Variants in DCAKD observed in about 807,000 individuals in gnomAD.
DCAKD encodes the protein dephospho-CoA kinase domain-containing protein.
In DCAKD, 15 loss-of-function variants were observed where a neutral mutation model predicts 18.7. The observed-to-expected ratio is 0.80, with a 90% CI of 0.54 to 1.24. The LOEUF is 1.24. Ranked by LOEUF, DCAKD falls within the 50% of genes most tolerant of loss-of-function variation. DCAKD has a pLI of 0.00. For missense variants in DCAKD, 301 were observed against 322.0 expected (o/e 0.93, Z 0.50); for synonymous variants, 130 against 133.0 (o/e 0.98, Z 0.16).
chr17:45,033,131 AG>A (rs2053207754), intron 3 of DCAKD, among the ~76,000 whole-genome samples: 1 of 152,328 alleles, frequency 6.6e-6, no homozygotes. Context: ...GGATTGCTTG[AG>A]GCCAGGAGTT....
intron 1 of DCAKD, among the ~76,000 whole-genome samples, chr17:45,044,585 A>G (rs548538235): frequency 3.9e-5 from 6 of 152,190 alleles, no homozygotes; most frequent in Admixed American, 3.9e-4. Context: ...CCAGCTACTC[A>G]GGAGGCTGAG....
chr17:45,034,164 C>G (rs1285367281), intron 3 of DCAKD, 23 bp downstream of exon 3: 1 of 1,565,856 alleles, frequency 6.4e-7, no homozygotes, highest in Non-Finnish European at 8.8e-7. Context: ...GCCCCGCCCC[C>G]CGCCCCAGGC....
At chr17:45,031,282 TG>T (rs2053166708) in intron 3 of DCAKD, 1 of 985,124 alleles carries the variant, frequency 1.0e-6, no homozygotes, top group African/African-American at 1.7e-5. Context: ...CCCCAAGACC[TG>T]CTGCTCAGGA....
At chr17:45,029,159 C>T (rs1203742311) in intron 4 of DCAKD, among the ~76,000 whole-genome samples, 1 of 152,250 alleles carries the variant, frequency 6.6e-6, no homozygotes, top group African/African-American at 2.4e-5. Flanking sequence ...TGCAGGTTTA[C>T]TCACATAAGG....
intron 4 of DCAKD, among the ~76,000 whole-genome samples, chr17:45,029,632 G>T (rs189889621): frequency 6.6e-6 from 1 of 152,124 alleles, no homozygotes; most frequent in African/African-American, 2.4e-5. Context: ...CCTTCTGTTC[G>T]TAACAGGTGT....
chr17:45,025,099 C>T (rs1239287744), intron 4 of DCAKD, among the ~76,000 whole-genome samples: 1 of 146,354 alleles, frequency 6.8e-6, no homozygotes, highest in African/African-American at 2.5e-5. Flanking sequence ...AAGATTTCAT[C>T]ACCTGGAACC....
intron 1 of DCAKD, among the ~76,000 whole-genome samples, chr17:45,040,384 T>C (rs1204606382): frequency 1.0e-5 from 1 of 97,018 alleles, no homozygotes; most frequent in Non-Finnish European, 2.0e-5. Context: ...CAAGACTCCA[T>C]CTCAAAAAAA....
intron 4 of DCAKD, among the ~76,000 whole-genome samples, 173 bp from the exon 5 acceptor site, chr17:45,024,897 TG>T (rs924246880): frequency 3.3e-4 from 50 of 152,020 alleles, no homozygotes; most frequent in Admixed American, 2.6e-3. Context: ...GAGGGAGGCT[TG>T]GAAGCTCACT....
At chr17:45,054,189 C>T, upstream of DCAKD, 1 of 515,960 alleles carries the variant, frequency 1.9e-6, no homozygotes, top group South Asian at 1.4e-5. Flanking sequence ...CACATTATCT[C>T]TGCCATGTAT....
At chr17:45,025,744 CTTTT>C (rs66731834) in intron 4 of DCAKD, among the ~76,000 whole-genome samples, 1,725 of 103,834 alleles carry the variant, frequency 0.017, 16 homozygotes, top group Non-Finnish European at 0.024. Flanking sequence ...TTGGTTCCTT[CTTTT>C]TTTTTTTTTT....
chr17:45,058,858 G>A (rs1243982520), intron 1 of DCAKD, among the ~76,000 whole-genome samples: 1 of 152,138 alleles, frequency 6.6e-6, no homozygotes, highest in African/African-American at 2.4e-5. Flanking sequence ...GGGCATCTTT[G>A]ACTGCCTTCC....
intron 3 of DCAKD, chr17:45,031,967 C>A: frequency 1.0e-6 from 1 of 985,384 alleles, no homozygotes; most frequent in Non-Finnish European, 1.2e-6. Context: ...CTCAAAAGGG[C>A]TCTCTGGCTT....
chr17:45,048,474 C>T (rs776132386), intron 1 of DCAKD, among the ~76,000 whole-genome samples: 1 of 152,106 alleles, frequency 6.6e-6, no homozygotes, highest in Non-Finnish European at 1.5e-5. Context: ...CCCGTCTCTA[C>T]TAAAAATACA....
chr17:45,048,490 A>G (rs1023177110), intron 1 of DCAKD, among the ~76,000 whole-genome samples: 1 of 152,146 alleles, frequency 6.6e-6, no homozygotes, highest in African/African-American at 2.4e-5. Context: ...ATACAAAAAT[A>G]GCCAGGCATG....
chr17:45,046,046 C>T lies in DCAKD; in HGVS notation c.-115+5315G>A, dbSNP rs1312019292. Among the ~76,000 whole-genome samples, 15 of 150,716 alleles carry T rather than the reference C, an allele frequency of 1.0e-4. No individual in the cohort carries two copies. The East Asian group carries it at 2.0e-3, about 20-fold the overall frequency. On this transcript the variant is annotated intron_variant, in intron 1 of 4. Coordinates refer to ENST00000651974, the MANE Select transcript of DCAKD (RefSeq NM_001288655.2). ...TTCACCACGTTGGCCAGGCTGGTTT[C>T]GAACTCCTGACCTCAAGTGATCCGC... is the stretch of plus-strand genomic sequence containing the variant.
chr17:45,059,224 A>C (rs748853886), intron 1 of DCAKD, among the ~76,000 whole-genome samples: 3 of 152,074 alleles, frequency 2.0e-5, no homozygotes, highest in Non-Finnish European at 1.5e-5. Context: ...TGGGCGACAG[A>C]GCAAGAGAGC....
chr17:45,030,097 T>A lies in DCAKD; in HGVS notation c.399A>T (p.Val133=), dbSNP rs758719106. ...LLKYMKHTVV[V]YCDRDTQLAR... ...AGGGCATGCTACACACTCACCAGTA[T>A]ACTACCACGGTGTGCTTCATGTACT... Residue 133 remains valine, a synonymous_variant, in exon 4 of 5, where the codon GTA becomes GTT. Coordinates refer to ENST00000651974, the MANE Select transcript of DCAKD (RefSeq NM_001288655.2). The A allele has an allele frequency of 2.5e-6, 4 of 1,613,672 alleles. No homozygotes were observed. The South Asian group carries it at 4.4e-5, about 18-fold the overall frequency.
chr17:45,031,210 C>CAA, intron 3 of DCAKD: 1 of 985,346 alleles, frequency 1.0e-6, no homozygotes, highest in African/African-American at 1.7e-5. Flanking sequence ...AACTTGCACT[C>CAA]AAAGTGATGC....
intron 1 of DCAKD, among the ~76,000 whole-genome samples, chr17:45,045,261 T>A (rs538557813): frequency 6.6e-6 from 1 of 152,218 alleles, no homozygotes; most frequent in South Asian, 2.1e-4. Flanking sequence ...CCCAAATATA[T>A]AAAACAGCAC....
Sources: allele counts gnomAD v4.1 joint callset (sites outside exome capture counted in the v4.1 genomes callset), GRCh38; gene constraint gnomAD v4.1.1; transcripts MANE v1.5; gene names NCBI Gene and HGNC (gene_info 2026-07-23, HGNC 2026-07-21).